The following AARS1 variants were observed in gnomAD, a reference collection of about 807,000 sequenced individuals.
The protein encoded by AARS1 is alanine--tRNA ligase, cytoplasmic.
AARS1 carries 72 observed loss-of-function variants against 108.9 expected under a neutral mutation model. The ratio of observed to expected loss-of-function variants is 0.66; its 90% CI spans 0.55 to 0.80. AARS1 has a LOEUF of 0.80. Ranked by LOEUF, AARS1 falls within the 30% of genes least tolerant of loss-of-function variation. The probability of loss-of-function intolerance (pLI) is 0.00; values close to 1 mark genes in which losing one functional copy is unlikely to be tolerated. For synonymous variants in AARS1, 489 were observed against 465.7 expected, an observed-to-expected ratio of 1.05 and a Z score of -0.64; for missense variants, 1,193 against 1,233.2, an observed-to-expected ratio of 0.97 and a Z score of 0.49.
At position 70,265,070 on chromosome 16, in the gene AARS1, T is replaced by C; in HGVS notation, c.1380A>G (p.Glu460=). 1.9e-6 allele frequency: 3 copies of C among 1,614,148 alleles called. No individual in the cohort carries two copies. The highest frequency in any genetic ancestry group is 2.5e-6 in the Non-Finnish European group (3 of 1,180,034). The change falls in exon 11 of 21, where the codon GAA becomes GAG. Residue 460 remains glutamate (E), a synonymous_variant. Coordinates refer to ENST00000261772, the MANE Select transcript of AARS1 (RefSeq NM_001605.3). ...LKSQGKGAGG[E]DLIMLDIYAI... is the part of the protein sequence containing the mutation. ...CGTAAATGTCCAGCATAATGAGGTC[T>C]TCCCCACCAGCTCCCTTGCCCTGTG...
intron 7 of AARS1, 88 bp downstream of exon 7, chr16:70,269,530 T>C: frequency 1.3e-6 from 2 of 1,574,842 alleles, no homozygotes; most frequent in Non-Finnish European, 1.7e-6. Flanking sequence ...CAACACTCAA[T>C]CTCACACACA....
At chr16:70,253,888 C>G (rs1279297240) in intron 18 of AARS1, 31 bp downstream of exon 18, 1 of 1,614,110 alleles carries the variant, frequency 6.2e-7, no homozygotes, top group Non-Finnish European at 8.5e-7. Flanking sequence ...GCCTAGGAAA[C>G]ACTCTGGCCA....
At position 70,252,507 on chromosome 16, in the gene AARS1, C is replaced by G; in HGVS notation, c.*214G>C. The G allele has an allele frequency of 1.7e-6, 1 of 596,708 alleles. No individual in the cohort carries two copies. The highest frequency in any genetic ancestry group is 3.0e-6 in the Non-Finnish European group (1 of 334,994). The allele number at this position is 596,708 out of a possible 1,614,324, so 37.0% of individuals were successfully genotyped here. On this transcript the variant is annotated 3_prime_UTR_variant, in exon 21 of 21. Coordinates refer to ENST00000261772, the MANE Select transcript of AARS1 (RefSeq NM_001605.3). ...GCGAGCGTGACGATCAACAGCAATG[C>G]GGGGTTAGTGGTTCTAGACCGATGG... is the stretch of plus-strand genomic sequence containing the variant.
At chr16:70,266,462 C>T (rs1960265805) in intron 9 of AARS1, among the ~76,000 whole-genome samples, 1 of 151,844 alleles carries the variant, frequency 6.6e-6, no homozygotes, top group African/African-American at 2.4e-5. Flanking sequence ...CACCACTGCA[C>T]TCCAGCCTGG....
intron 1 of AARS1, 98 bp from the exon 2 acceptor site, chr16:70,282,882 G>A (rs1960738572): frequency 5.9e-6 from 7 of 1,194,028 alleles, no homozygotes; most frequent in Non-Finnish European, 4.9e-6. Flanking sequence ...GTCAAAGCAC[G>A]ACTCAGGTGA....
chr16:70,262,142 G>A (rs1026765507), intron 12 of AARS1, among the ~76,000 whole-genome samples: 13 of 152,144 alleles, frequency 8.5e-5, no homozygotes, highest in Admixed American at 2.0e-4. Flanking sequence ...TACCCTGGCT[G>A]CAAAAATACT....
At position 70,267,650 on chromosome 16, in the gene AARS1, G is replaced by T. The variant is rs2152160124; in HGVS notation, c.1222+9C>A. The T allele has an allele frequency of 6.2e-7, 1 of 1,614,066 alleles. No individual in the cohort carries two copies. The highest frequency in any genetic ancestry group is 2.2e-5 in the East Asian group (1 of 44,878). ...GCCAGGATGGAGAAGGGCAAAAACT[G>T]GTACCTACCGGGAATGGTCTTGCTG... is the stretch of plus-strand genomic sequence containing the variant. On this transcript the variant is annotated intron_variant, in intron 9 of 20. Transcript: ENST00000261772.
Position 70,252,917 on chromosome 16 carries a change from G to A in AARS1, c.2722-11C>T, listed in dbSNP as rs1378900294. ...CCGATTGGCTGCATTCTAGAAGACA[G>A]GAAGGGAAGGGGGAGTCAGCACAGA... On this transcript the variant is annotated splice_polypyrimidine_tract_variant and intron_variant, in intron 20 of 20. Transcript: ENST00000261772. 3 of 1,613,956 alleles carry A rather than the reference G, an allele frequency of 1.9e-6. No homozygotes were observed. The East Asian group carries it at 6.7e-5, about 36-fold the overall frequency.
intron 16 of AARS1, 46 bp from the exon 17 acceptor site, chr16:70,254,780 G>GACT: frequency 7.7e-7 from 1 of 1,304,734 alleles, no homozygotes; most frequent in East Asian, 2.3e-5. Context: ...GTCTGAGTCA[G>GACT]ACTCACTATC....
chr16:70,266,562 C>T (rs1470932720), intron 9 of AARS1, among the ~76,000 whole-genome samples: 2 of 151,076 alleles, frequency 1.3e-5, no homozygotes, highest in Non-Finnish European at 2.9e-5. Context: ...CACTCTGTTG[C>T]CCAGGCTGGA....
chr16:70,272,436 G>A (rs1960429010), intron 4 of AARS1, among the ~76,000 whole-genome samples: 1 of 145,386 alleles, frequency 6.9e-6, no homozygotes, highest in Non-Finnish European at 1.5e-5. Flanking sequence ...AACCCAGGAG[G>A]CAGAGGCTGC....
intron 17 of AARS1, chr16:70,254,325 G>A (rs1371175062): frequency 1.7e-6 from 1 of 583,934 alleles, no homozygotes; most frequent in Admixed American, 3.0e-5. Context: ...ATAAATACCA[G>A]GCAGGCTTGG....
intron 4 of AARS1, among the ~76,000 whole-genome samples, 159 bp from the exon 5 acceptor site, chr16:70,272,131 A>G (rs1567608598): frequency 6.6e-6 from 1 of 152,016 alleles, no homozygotes. Flanking sequence ...GTCTCAAAAA[A>G]GAAAAAAAAA....
chr16:70,273,630 A>C (rs1960463766), intron 4 of AARS1, among the ~76,000 whole-genome samples: 1 of 152,050 alleles, frequency 6.6e-6, no homozygotes, highest in Admixed American at 6.6e-5. Context: ...TGGGAGGCCA[A>C]GGCAGGCCGA....
At chr16:70,267,109 T>C (rs1960282254) in intron 9 of AARS1, among the ~76,000 whole-genome samples, 1 of 152,198 alleles carries the variant, frequency 6.6e-6, no homozygotes, top group African/African-American at 2.4e-5. Flanking sequence ...GTGCTAGGAT[T>C]ACAGGTGTGA....
chr16:70,273,698 T>TA (rs888620210), intron 4 of AARS1, among the ~76,000 whole-genome samples: 1 of 151,196 alleles, frequency 6.6e-6, no homozygotes, highest in Admixed American at 6.6e-5. Flanking sequence ...CCGTCTCTAC[T>TA]AAAAAATACA....
intron 14 of AARS1, 80 bp downstream of exon 14, chr16:70,258,899 GT>G: frequency 6.8e-7 from 1 of 1,460,928 alleles, no homozygotes; most frequent in Non-Finnish European, 9.6e-7. Context: ...ATACAACAGA[GT>G]GAGAGCACCG....
At chr16:70,259,734 C>T (rs180898553) in intron 13 of AARS1, among the ~76,000 whole-genome samples, 24 of 152,106 alleles carry the variant, frequency 1.6e-4, no homozygotes, top group Middle Eastern at 3.4e-3. Flanking sequence ...AATCCTCCCA[C>T]CTCAGCCTCC....
chr16:70,257,914 G>A (rs1448867375), intron 15 of AARS1, 119 bp downstream of exon 15: 32 of 1,107,198 alleles, frequency 2.9e-5, no homozygotes, highest in African/African-American at 6.2e-5. Context: ...ATTTAGCAAC[G>A]GCATTTCTGA....
Sources: allele counts gnomAD v4.1 joint callset (sites outside exome capture counted in the v4.1 genomes callset), GRCh38; gene constraint gnomAD v4.1.1; transcripts MANE v1.5; gene names NCBI Gene and HGNC (gene_info 2026-07-23, HGNC 2026-07-21).